The following TMTC1 variants were observed in gnomAD, a reference collection of about 807,000 sequenced individuals.
TMTC1 encodes the protein transmembrane O-mannosyltransferase targeting cadherins 1, also known as protein O-mannosyl-transferase TMTC1.
A neutral mutation model predicts 104.8 loss-of-function variants in TMTC1; 73 were observed. The ratio of observed to expected loss-of-function variants is 0.70; its 90% confidence interval spans 0.58 to 0.85. The LOEUF (loss-of-function observed/expected upper bound fraction) is 0.85. Ranked by LOEUF, TMTC1 falls within the 40% of genes least tolerant of loss-of-function variation. The pLI is 0.00. For missense variants in TMTC1, 1,035 were observed against 1,096.1 expected, an observed-to-expected ratio of 0.94 and a Z score of 0.79; for synonymous variants, 434 against 428.7, an observed-to-expected ratio of 1.01 and a Z score of -0.15.
In TMTC1 at chr12:29,691,866, A is replaced by G. The variant is rs149183674; in HGVS notation, c.939-58530T>C. ...ATTTAGTCAACACTAAGAGGCTCCA[A>G]TGGAGCTACTGCTGTGTCCAGAGGG... On this transcript the variant is annotated intron_variant, in intron 5 of 17. Coordinates refer to ENST00000539277, the MANE Select transcript of TMTC1 (RefSeq NM_001193451.2). Among the ~76,000 whole-genome samples, 84 of 145,338 alleles carry G rather than the reference A, an allele frequency of 5.8e-4. 10 individuals are homozygous for G. The highest frequency in any genetic ancestry group is 2.0e-3 in the African/African-American group (81 of 39,796).
intron 1 of TMTC1, among the ~76,000 whole-genome samples, chr12:29,775,144 G>C (rs534719303): frequency 6.6e-6 from 1 of 152,266 alleles, no homozygotes; most frequent in East Asian, 1.9e-4. Context: ...TCCTCAAAAA[G>C]AGAGCCAGCA....
intron 3 of TMTC1, among the ~76,000 whole-genome samples, chr12:29,757,494 G>A (rs1276246255): frequency 2.0e-5 from 3 of 152,156 alleles, no homozygotes; most frequent in African/African-American, 4.8e-5. Flanking sequence ...CTAATTAAGA[G>A]CCACTGGTTT....
chr12:29,680,292 G>A (rs1324332418), intron 5 of TMTC1, among the ~76,000 whole-genome samples: 1 of 152,158 alleles, frequency 6.6e-6, no homozygotes, highest in Non-Finnish European at 1.5e-5. Flanking sequence ...GAAACAGTGA[G>A]CTATCCAGTA....
chr12:29,607,550 G>C (rs1946735305), intron 6 of TMTC1, among the ~76,000 whole-genome samples: 1 of 152,166 alleles, frequency 6.6e-6, no homozygotes, highest in South Asian at 2.1e-4. Flanking sequence ...AATGTACAAA[G>C]CAGGCAATAA....
At chr12:29,729,986 A>G (rs1002562563) in intron 5 of TMTC1, among the ~76,000 whole-genome samples, 2 of 152,150 alleles carry the variant, frequency 1.3e-5, no homozygotes, top group Admixed American at 6.5e-5. Flanking sequence ...AGTGCTTACT[A>G]TGGGGTTCAG....
chr12:29,658,118 A>C (rs1280923058), intron 5 of TMTC1, among the ~76,000 whole-genome samples: 1 of 152,096 alleles, frequency 6.6e-6, no homozygotes, highest in Non-Finnish European at 1.5e-5. Flanking sequence ...AAAACAAAAA[A>C]CAAAAAACGA....
chr12:29,555,037 C>A (rs1411589003), intron 10 of TMTC1, among the ~76,000 whole-genome samples: 1 of 151,762 alleles, frequency 6.6e-6, no homozygotes, highest in Non-Finnish European at 1.5e-5. Context: ...GCCAATTTAT[C>A]AGCTCTAAAA....
intron 9 of TMTC1, among the ~76,000 whole-genome samples, chr12:29,559,840 C>T (rs1209723089): frequency 6.6e-6 from 1 of 152,156 alleles, no homozygotes; most frequent in Non-Finnish European, 1.5e-5. Flanking sequence ...CACCTAATCA[C>T]AAGCAAGCTT....
chr12:29,772,237 C>CGG (rs1313195481), intron 1 of TMTC1, among the ~76,000 whole-genome samples: 6 of 152,154 alleles, frequency 3.9e-5, no homozygotes, highest in African/African-American at 1.4e-4. Context: ...TGGGCCTACA[C>CGG]GGCTGCATGG....
chr12:29,536,807 T>C (rs1277701474), intron 10 of TMTC1, among the ~76,000 whole-genome samples: 1 of 152,030 alleles, frequency 6.6e-6, no homozygotes, highest in Non-Finnish European at 1.5e-5. Flanking sequence ...GTTTTATATT[T>C]AAGAGAGAAA....
intron 5 of TMTC1, among the ~76,000 whole-genome samples, chr12:29,700,329 T>C (rs1176822536): frequency 2.0e-5 from 3 of 150,810 alleles, no homozygotes; most frequent in South Asian, 2.1e-4. Context: ...GCCTCCCGGG[T>C]TCACGCCATT....
rs747104565 is a variant in TMTC1, at chr12:29,572,086, C to G, written c.1532+19G>C. On this transcript the variant is annotated intron_variant, in intron 9 of 17. Coordinates refer to ENST00000539277, the MANE Select transcript of TMTC1 (RefSeq NM_001193451.2). ...TCTTTAAAGCACCAAGGCCAACACC[C>G]TCCCTGTGTGGCGCTTACTTGAGAG... 6 of 1,596,280 alleles carry G rather than the reference C, an allele frequency of 3.8e-6. No homozygotes were observed. Among genetic ancestry groups the G allele is most frequent in the Non-Finnish European group, 5.2e-6 (6 of 1,163,952 alleles).
At chr12:29,510,672 C>T (rs1229171012) in intron 17 of TMTC1, among the ~76,000 whole-genome samples, 2 of 152,192 alleles carry the variant, frequency 1.3e-5, no homozygotes, top group Non-Finnish European at 1.5e-5. Flanking sequence ...TGATCAGTTT[C>T]CACTTAACAG....
At chr12:29,651,772 C>G (rs1353717450) in intron 5 of TMTC1, among the ~76,000 whole-genome samples, 2 of 152,038 alleles carry the variant, frequency 1.3e-5, no homozygotes, top group Non-Finnish European at 2.9e-5. Flanking sequence ...ATAATTTAGT[C>G]TTGGGTGGCC....
At chr12:29,588,134 G>A (rs1187468646) in intron 7 of TMTC1, among the ~76,000 whole-genome samples, 1 of 152,088 alleles carries the variant, frequency 6.6e-6, no homozygotes, top group East Asian at 1.9e-4. Context: ...TCCCCACTGA[G>A]GAGGATGATT....
At chr12:29,755,010 A>AC (rs1943182010) in intron 4 of TMTC1, among the ~76,000 whole-genome samples, 2 of 152,174 alleles carry the variant, frequency 1.3e-5, no homozygotes, top group African/African-American at 4.8e-5. Context: ...TTACTGAAAA[A>AC]TGGGGCCTGC....
chr12:29,629,355 A>T (rs1257177613), intron 6 of TMTC1, among the ~76,000 whole-genome samples: 3 of 151,760 alleles, frequency 2.0e-5, no homozygotes, highest in African/African-American at 7.3e-5. Context: ...TATGACCTGG[A>T]AGTGCCTCCA....
chr12:29,699,545 T>TGCAC (rs755222600), intron 5 of TMTC1, among the ~76,000 whole-genome samples: 3 of 152,132 alleles, frequency 2.0e-5, no homozygotes, highest in Non-Finnish European at 4.4e-5. Context: ...TGTAACCTAT[T>TGCAC]GCACATAAGA....
At chr12:29,723,249 A>G (rs1230530519) in intron 5 of TMTC1, among the ~76,000 whole-genome samples, 1 of 152,176 alleles carries the variant, frequency 6.6e-6, no homozygotes, top group East Asian at 1.9e-4. Context: ...TGATCTATAT[A>G]GTCTCAACAT....
Sources: allele counts gnomAD v4.1 joint callset (sites outside exome capture counted in the v4.1 genomes callset), GRCh38; gene constraint gnomAD v4.1.1; transcripts MANE v1.5; gene names NCBI Gene and HGNC (gene_info 2026-07-23, HGNC 2026-07-21).